Variants in FGFR2 observed in about 807,000 individuals in gnomAD.
The protein encoded by FGFR2 is BEK fibroblast growth factor receptor.
In FGFR2, 19 loss-of-function variants were observed where a neutral mutation model predicts 95.9. The observed-to-expected ratio is 0.20, with a 90% CI of 0.14 to 0.29. The LOEUF (loss-of-function observed/expected upper bound fraction) is 0.29. Among genes scored for constraint, FGFR2 ranks in the 10% least tolerant of loss-of-function variants. The pLI, the probability that FGFR2 is intolerant of heterozygous loss-of-function variation, is 1.00. For synonymous variants in FGFR2, 392 were observed against 393.3 expected, an observed-to-expected ratio of 1.00 and a Z score of 0.04; for missense variants, 707 against 1,056.9, an observed-to-expected ratio of 0.67 and a Z score of 4.59.
intron 2 of FGFR2, among the ~76,000 whole-genome samples, chr10:121,587,040 A>C (rs1477250778): frequency 3.3e-5 from 5 of 152,194 alleles, no homozygotes; most frequent in Non-Finnish European, 7.3e-5. Flanking sequence ...ACTGGTATAA[A>C]AACAGGCACG....
At chr10:121,580,005 T>G (rs1313897399) in intron 2 of FGFR2, among the ~76,000 whole-genome samples, 2 of 152,178 alleles carry the variant, frequency 1.3e-5, no homozygotes, top group East Asian at 1.9e-4. Context: ...CAATAAATGG[T>G]GCATACTCCA....
chr10:121,539,055 C>T lies in FGFR2; in HGVS notation c.625-340G>A, dbSNP rs187973919. 2.2e-3 allele frequency among the ~76,000 whole-genome samples: 339 copies of T among 152,336 alleles called. 1 individual carries two copies. The highest frequency in any genetic ancestry group is 3.8e-3 in the Non-Finnish European group (261 of 68,034). On this transcript the variant is annotated intron_variant, in intron 5 of 17. Coordinates refer to ENST00000358487, the MANE Select transcript of FGFR2 (RefSeq NM_000141.5). ...CCAGCCAGCCTGGTACCAATGGCCA[C>T]GGGCAGGCGAGCTACCAGTTTGCCC... is the stretch of plus-strand genomic sequence containing the variant.
intron 17 of FGFR2, chr10:121,481,956 C>T (rs903067159): frequency 2.7e-6 from 1 of 373,504 alleles, no homozygotes; most frequent in Non-Finnish European, 4.9e-6. Flanking sequence ...CCTGCCTCAG[C>T]CTCCCGGAGT....
At chr10:121,503,644 G>GA (rs1263709799) in intron 10 of FGFR2, 146 bp downstream of exon 10, 10 of 861,252 alleles carry the variant, frequency 1.2e-5, no homozygotes, top group Non-Finnish European at 1.8e-5. Context: ...TCCAGGAGTT[G>GA]GTTATTTAGA....
intron 1 of FGFR2, among the ~76,000 whole-genome samples, chr10:121,595,990 A>G (rs954146678): frequency 6.6e-6 from 1 of 152,200 alleles, no homozygotes; most frequent in Admixed American, 6.5e-5. Context: ...AGTGGACAAA[A>G]GTATGGTGCG....
Position 121,487,976 on chromosome 10 carries a change from C to T in FGFR2, c.1986+15G>A, listed in dbSNP as rs750179477. The stretch of plus-strand genomic sequence containing the variant: ...ACCCCCGCCCCTGCCCACTGTGTTA[C>T]TGCCATCGACTTACATTGGTGGTCT... On this transcript the variant is annotated intron_variant, in intron 14 of 17. Coordinates refer to ENST00000358487, the MANE Select transcript of FGFR2 (RefSeq NM_000141.5). 1.9e-6 allele frequency: 3 copies of T among 1,613,994 alleles called. No homozygotes were observed. The highest frequency in any genetic ancestry group is 2.7e-5 in the African/African-American group (2 of 75,038).
Position 121,517,221 on chromosome 10 carries a change from G to C in FGFR2, c.1084+98C>G. 7.6e-7 allele frequency: 1 copy of C among 1,321,680 alleles called. No individual in the cohort carries two copies. The highest frequency in any genetic ancestry group is 1.8e-4 in the Middle Eastern group (1 of 5,566). The allele number at this position is 1,321,680 out of a possible 1,614,324, so 81.9% of individuals were successfully genotyped here. A position where few individuals can be genotyped will look rare whatever the true frequency, so the allele number is the denominator to read the frequency against. On this transcript the variant is annotated intron_variant, in intron 8 of 17. Coordinates refer to ENST00000358487, the MANE Select transcript of FGFR2 (RefSeq NM_000141.5). The surrounding 1 kb of genome is among the most constrained non-coding windows in gnomAD (Gnocchi z 4.7). ...AACATTTTTTATATCTTTATGCAAG[G>C]ATAAAAGGGGCCATTTCTGATAACA...
intron 9 of FGFR2, among the ~76,000 whole-genome samples, chr10:121,512,893 G>C (rs2134192518): frequency 6.6e-6 from 1 of 152,170 alleles, no homozygotes; most frequent in South Asian, 2.1e-4. Context: ...TTTAAAGACG[G>C]AGTTTTACTC....
chr10:121,581,118 A>T (rs1406609701), intron 2 of FGFR2, among the ~76,000 whole-genome samples: 2 of 152,210 alleles, frequency 1.3e-5, no homozygotes, highest in African/African-American at 4.8e-5. Flanking sequence ...GCAGGCTGAA[A>T]TGACCCACTC....
chr10:121,564,961 C>T (rs546830033), intron 3 of FGFR2, among the ~76,000 whole-genome samples: 102 of 152,176 alleles, frequency 6.7e-4, no homozygotes, highest in African/African-American at 2.3e-3. Context: ...AGAAATTGAT[C>T]CCTAACAAAA....
In FGFR2 at chr10:121,488,316, G is replaced by A. The variant is rs939586841; in HGVS notation, c.1864-203C>T. 1.8e-4 allele frequency among the ~76,000 whole-genome samples: 27 copies of A among 151,954 alleles called. 1 individual carries two copies. Among genetic ancestry groups the A allele is most frequent in the African/African-American group, 5.8e-4 (24 of 41,378 alleles). ...AGCACTTTGGGAGGTCAAGGTGGGC[G>A]GATCACTTGAGGTCAGTAGTTCGAG... On this transcript the variant is annotated intron_variant, in intron 13 of 17. Transcript: ENST00000358487.
intron 1 of FGFR2, 80 bp downstream of exon 1, chr10:121,597,882 T>C (rs556249649): frequency 9.6e-5 from 37 of 386,694 alleles, no homozygotes; most frequent in African/African-American, 7.4e-4. Context: ...CGGAGGACGG[T>C]GCACCCGGCG....
In FGFR2 at chr10:121,533,274, C is replaced by T. The variant is rs185116571; in HGVS notation, c.748+5318G>A. On this transcript the variant is annotated intron_variant, in intron 6 of 17. Transcript: ENST00000358487. ...GCATGGTGGCACATGCCTATAATCC[C>T]AACTATTCAGGAGACAGAGGCAGGA... is the stretch of plus-strand genomic sequence containing the variant. Among the ~76,000 whole-genome samples, 668 of 152,216 alleles carry T rather than the reference C, an allele frequency of 4.4e-3. 4 individuals are homozygous for T. Among genetic ancestry groups the T allele is most frequent in the South Asian group, 0.012 (57 of 4,806 alleles).
intron 13 of FGFR2, among the ~76,000 whole-genome samples, chr10:121,490,186 G>A (rs533245449): frequency 7.4e-5 from 10 of 134,444 alleles, no homozygotes; most frequent in African/African-American, 1.2e-4. Context: ...TTTTTGAGAC[G>A]GAGTTTCACT....
At chr10:121,560,091 A>G (rs1229143235) in intron 4 of FGFR2, among the ~76,000 whole-genome samples, 1 of 151,828 alleles carries the variant, frequency 6.6e-6, no homozygotes, top group Non-Finnish European at 1.5e-5. Context: ...TTCTCACTCC[A>G]CCCCCATCGT....
chr10:121,571,294 C>CTTTTTTT (rs35943673), intron 2 of FGFR2, among the ~76,000 whole-genome samples: 3 of 39,320 alleles, frequency 7.6e-5, no homozygotes, highest in African/African-American at 1.0e-4. Flanking sequence ...CGTGCCTGGC[C>CTTTTTTT]TTTTTTTTTT....
chr10:121,518,824 C>T lies in FGFR2; in HGVS notation c.939+1155G>A, dbSNP rs749699527. 6.2e-6 allele frequency: 10 copies of T among 1,614,036 alleles called. No homozygotes were observed. The highest frequency in any genetic ancestry group is 3.3e-5 in the South Asian group (3 of 91,070). ...CTTCTGCATTGGAACTATTTATCCC[C>T]GAGTGCTAGAACAGACACAGGAGAA... On this transcript the variant is annotated intron_variant, in intron 7 of 17. Transcript: ENST00000358487. This position sits in a 1 kb window ranked among gnomAD's most constrained non-coding sequence, Gnocchi z 4.0.
At chr10:121,525,578 C>T (rs1851245737) in intron 6 of FGFR2, among the ~76,000 whole-genome samples, 1 of 151,560 alleles carries the variant, frequency 6.6e-6, no homozygotes, top group Non-Finnish European at 1.5e-5. Flanking sequence ...CTAAAGACTG[C>T]AGCAGGAAAG....
chr10:121,533,952 A>C (rs1188141869), intron 6 of FGFR2, among the ~76,000 whole-genome samples: 1 of 152,048 alleles, frequency 6.6e-6, no homozygotes, highest in Non-Finnish European at 1.5e-5. Context: ...CAAGTCCTCA[A>C]ACTCCACACC....
Sources: gnomAD v4.1 joint callset for allele counts (sites outside exome capture counted in the v4.1 genomes callset) on GRCh38, gnomAD v4.1.1 for gene constraint, Gnocchi (gnomAD v3.1) non-coding constraint, MANE v1.5 for transcripts, NCBI Gene and HGNC (gene_info 2026-07-23, HGNC 2026-07-21) for gene names.